Variants in RNF213 observed in about 807,000 individuals in gnomAD.
RNF213 encodes the protein ring finger protein 213.
Under a neutral mutation model 514.4 loss-of-function variants are expected in RNF213, and 341 were observed. That is an observed-to-expected ratio of 0.66 (90% confidence interval 0.61 to 0.73). RNF213 has a LOEUF of 0.73. Ranked by LOEUF, RNF213 falls within the 30% of genes least tolerant of loss-of-function variation. The pLI is 0.00. For synonymous variants in RNF213, 2,655 were observed against 2,658.2 expected (o/e 1.00, Z 0.04); for missense variants, 5,767 against 6,615.6 (o/e 0.87, Z 4.45).
At chr17:80,383,309 A>G (rs1165921735) in intron 58 of RNF213, among the ~76,000 whole-genome samples, 1 of 152,232 alleles carries the variant, frequency 6.6e-6, no homozygotes, top group Non-Finnish European at 1.5e-5. Flanking sequence ...GAATCCAGCA[A>G]GTGCAGGCAG....
chr17:80,316,874 G>A (rs1051219857), intron 15 of RNF213, among the ~76,000 whole-genome samples: 1 of 152,262 alleles, frequency 6.6e-6, no homozygotes, highest in African/African-American at 2.4e-5. Context: ...TGCTATTCTT[G>A]CGACCTTTTT....
rs748734616 is a variant in RNF213, at chr17:80,372,617, A to G, written c.12634A>G (p.Ser4212Gly). The G allele has an allele frequency of 2.5e-6, 4 of 1,614,058 alleles. No individual in the cohort carries two copies. The Admixed American group carries it at 5.0e-5, about 20-fold the overall frequency. ...TTTCCTTAAGGCATATTCTCCAGCAAGCCGGGGCCGAGAGCCTGCCAACGA... is the reference window on the plus strand; with the variant it reads ...TTTCCTTAAGGCATATTCTCCAGCAGGCCGGGGCCGAGAGCCTGCCAACGA... ...GRFLKAYSPA[S>G]RGREPANEAS... is the part of the protein sequence containing the mutation. The change falls in exon 48 of 68, where the codon AGC becomes GGC. Residue 4212 changes from serine to glycine, a missense_variant. Physicochemically the swap from Ser to Gly is moderately conservative, Grantham distance 56. Coordinates refer to ENST00000582970, the MANE Select transcript of RNF213 (RefSeq NM_001256071.3).
intron 67 of RNF213, among the ~76,000 whole-genome samples, chr17:80,393,110 T>C (rs1222535548): frequency 6.6e-6 from 1 of 151,904 alleles, no homozygotes; most frequent in East Asian, 1.9e-4. Flanking sequence ...CCTGAGTAGC[T>C]TCGGACTATA....
intron 3 of RNF213, among the ~76,000 whole-genome samples, chr17:80,286,738 C>T (rs955495457): frequency 1.6e-4 from 24 of 152,020 alleles, no homozygotes; most frequent in Admixed American, 1.0e-3. Flanking sequence ...AGTTTGGGGC[C>T]CTCATCACAC....
At chr17:80,368,433 GTTT>G (rs5822349) in intron 44 of RNF213, among the ~76,000 whole-genome samples, 1 of 137,068 alleles carries the variant, frequency 7.3e-6, no homozygotes, top group African/African-American at 2.7e-5. Context: ...AGACGCCAGT[GTTT>G]TTTTTTTTTT....
chr17:80,384,360 G>A (rs372582199), intron 59 of RNF213, among the ~76,000 whole-genome samples: 6 of 152,328 alleles, frequency 3.9e-5, no homozygotes, highest in African/African-American at 7.2e-5. Flanking sequence ...GGTGTGTGCC[G>A]GCGGTGCTGG....
intron 39 of RNF213, among the ~76,000 whole-genome samples, chr17:80,362,603 A>G (rs2079096763): frequency 6.6e-6 from 1 of 152,244 alleles, no homozygotes. Context: ...CGCGGCTGAC[A>G]GTGTAGCGTG....
At chr17:80,290,382 C>CTTGT (rs2044655975) in intron 6 of RNF213, among the ~76,000 whole-genome samples, 188 bp from the exon 7 acceptor site, 2 of 148,670 alleles carry the variant, frequency 1.3e-5, no homozygotes, top group African/African-American at 2.5e-5. Context: ...AGTGCGTGCA[C>CTTGT]GTGTGTGCGT....
chr17:80,370,789 A>G (rs2079488785), intron 46 of RNF213, among the ~76,000 whole-genome samples: 1 of 152,232 alleles, frequency 6.6e-6, no homozygotes. Context: ...AAGGATGCAC[A>G]TGATACAGGT....
rs74792814 is a variant in RNF213 at position 80,345,189 on chromosome 17, G to C, written c.6854G>C (p.Arg2285Thr). The C allele has an allele frequency of 1.4e-4, 224 of 1,614,126 alleles. No homozygotes were observed. The African/African-American group carries it at 2.9e-3, about 21-fold the overall frequency. The part of the protein sequence containing the change: ...GKHMVTMDGV[R>T]EEDLAPFSLR... Reference sequence around the variant, plus strand: ...CACATGGTCACCATGGATGGGGTTAGGGAAGAAGATCTAGCGCCCTTCTCC... The same window carrying C: ...CACATGGTCACCATGGATGGGGTTACGGAAGAAGATCTAGCGCCCTTCTCC... The change falls in exon 29 of 68, where the codon AGG becomes ACG. Residue 2285 changes from arginine to threonine, a missense_variant. Coordinates refer to ENST00000582970, the MANE Select transcript of RNF213 (RefSeq NM_001256071.3). The surrounding 1 kb of genome is among the most constrained non-coding windows in gnomAD (Gnocchi z 6.0).
chr17:80,322,285 C>T (rs114819492), intron 17 of RNF213, among the ~76,000 whole-genome samples: 3,842 of 150,574 alleles, frequency 0.026, 170 homozygotes, highest in African/African-American at 0.088. Context: ...TTTAGCCTCC[C>T]GAGTAGCAGG....
At chr17:80,262,788 C>T (rs2043469818) in intron 1 of RNF213, among the ~76,000 whole-genome samples, 1 of 152,196 alleles carries the variant, frequency 6.6e-6, no homozygotes, top group South Asian at 2.1e-4. Flanking sequence ...TCAGGCCCAG[C>T]CTGAGTGAGC....
At position 80,346,639 on chromosome 17, in the gene RNF213, G is replaced by A. The variant is rs144712336; in HGVS notation, c.8304G>A (p.Val2768=). The change falls in exon 29 of 68, where the codon GTG becomes GTA. Residue 2768 remains valine, a synonymous_variant. Coordinates refer to ENST00000582970, the MANE Select transcript of RNF213 (RefSeq NM_001256071.3). The surrounding 1 kb of genome is among the most constrained non-coding windows in gnomAD (Gnocchi z 8.1). ...CIELKIPLFL[V]GKPGSSKSLA... ...AGCTGAAGATTCCCCTCTTCCTGGT[G>A]GGGAAGCCCGGCAGCTCCAAGTCTC... is the stretch of plus-strand genomic sequence containing the variant. 22 of 1,612,336 alleles carry A rather than the reference G, an allele frequency of 1.4e-5. No individual in the cohort carries two copies. Among genetic ancestry groups the A allele is most frequent in the Non-Finnish European group, 1.9e-5 (22 of 1,180,032 alleles).
At chr17:80,285,080 A>C (rs2044424886) in intron 3 of RNF213, among the ~76,000 whole-genome samples, 1 of 152,232 alleles carries the variant, frequency 6.6e-6, no homozygotes, top group Admixed American at 6.5e-5. Flanking sequence ...CCAGGTGGCC[A>C]CAAACACCTG....
At position 80,377,672 on chromosome 17, in the gene RNF213, G is replaced by A. The variant is rs552698846; in HGVS notation, c.13511-90G>A. The A allele has an allele frequency of 1.4e-6, 2 of 1,434,612 alleles. No individual in the cohort carries two copies. Among genetic ancestry groups the A allele is most frequent in the South Asian group, 1.1e-5 (1 of 87,370 alleles). The allele number at this position is 1,434,612 out of a possible 1,614,324, so 88.9% of individuals were successfully genotyped here. On this transcript the variant is annotated intron_variant, in intron 53 of 67. Transcript: ENST00000582970. This position sits in a 1 kb window ranked among gnomAD's most constrained non-coding sequence, Gnocchi z 4.1. ...ACAGTCATTCTCATATTGTGGTCAG[G>A]GCCAGAGAGTAGAGAGTTAGCTTTC...
rs1284187872 is a variant in RNF213 at position 80,328,484 on chromosome 17, T to C, written c.3517+7T>C. 6.5e-7 allele frequency: 1 copy of C among 1,537,228 alleles called. No homozygotes were observed. The highest frequency in any genetic ancestry group is 2.0e-5 in the Admixed American group (1 of 51,000). On this transcript the variant is annotated splice_region_variant and intron_variant, in intron 20 of 67. Transcript: ENST00000582970. ...GTGAAACATCTGATACAAGGTGGTA[T>C]TCCTGAGAAGTGAACAAAGTTGAGG... is the stretch of plus-strand genomic sequence containing the variant.
In RNF213 at chr17:80,353,585, G is replaced by A. The variant is rs1599097462; in HGVS notation, c.10497G>A (p.Val3499=). Residue 3499 remains valine (V), a synonymous_variant, in exon 34 of 68, where the codon GTG becomes GTA. Transcript: ENST00000582970. The surrounding 1 kb of genome is among the most constrained non-coding windows in gnomAD (Gnocchi z 5.0). The stretch of plus-strand genomic sequence containing the variant: ...CGGAGGCCAGCACATCAGGGGAGGT[G>A]GCAGAGGTGGCAGAGGAGGCCATGG... ...METEASTSGE[V]AEVAEEAMET... 6.2e-7 allele frequency: 1 copy of A among 1,613,520 alleles called. No homozygotes were observed. The highest frequency in any genetic ancestry group is 1.3e-5 in the African/African-American group (1 of 75,000).
chr17:80,395,018 G>A lies in RNF213; in HGVS notation c.*1520G>A, dbSNP rs1050483339. 6.6e-6 allele frequency: 1 copy of A among 152,166 alleles called. No individual in the cohort carries two copies. Among genetic ancestry groups the A allele is most frequent in the East Asian group, 1.9e-4 (1 of 5,198 alleles). 9.4% of individuals were successfully genotyped at this position (152,166 alleles called of 1,614,324 possible). Reference sequence around the variant, plus strand: ...TTGATACCTCAGAGCTGGCTGTCAGGTGGCAGCTCACACCCAGACTCACTG... The same window carrying A: ...TTGATACCTCAGAGCTGGCTGTCAGATGGCAGCTCACACCCAGACTCACTG... On this transcript the variant is annotated 3_prime_UTR_variant, in exon 68 of 68. Transcript: ENST00000582970.
rs774937000 is a variant in RNF213, at chr17:80,307,139, T to C, written c.2439T>C (p.Asp813=). 7 of 1,613,900 alleles carry C rather than the reference T, an allele frequency of 4.3e-6. No individual in the cohort carries two copies. The highest frequency in any genetic ancestry group is 1.7e-5 in the Admixed American group (1 of 60,002). ...TTTCTCTGCCTTAGGATGTTCAGGATGTTCAGAACGTTCAGAACATTTTAG... is the reference window on the plus strand; with the variant it reads ...TTTCTCTGCCTTAGGATGTTCAGGACGTTCAGAACGTTCAGAACATTTTAG... ...EQVLNTQDVQ[D]VQNVQNILEM... Residue 813 remains aspartate, a synonymous_variant, in exon 13 of 68, where the codon GAT becomes GAC. Transcript: ENST00000582970.
Sources: allele counts gnomAD v4.1 joint callset (sites outside exome capture counted in the v4.1 genomes callset), GRCh38; gene constraint gnomAD v4.1.1; non-coding constraint Gnocchi (gnomAD v3.1); transcripts MANE v1.5; gene names NCBI Gene and HGNC (gene_info 2026-07-23, HGNC 2026-07-21).